GAD2: variants seen among roughly 807,000 people sequenced by gnomAD.
GAD2 encodes the protein 65 kDa glutamic acid decarboxylase.
In GAD2, 22 loss-of-function variants were observed where a neutral mutation model predicts 80.1. The ratio of observed to expected loss-of-function variants is 0.27; its 90% confidence interval spans 0.20 to 0.39. GAD2 has a LOEUF of 0.39. GAD2 is among the 10% of genes least tolerant of loss of function. The pLI is 1.00. For missense variants in GAD2, 624 were observed against 738.4 expected (o/e 0.85, Z 1.80); for synonymous variants, 274 against 256.9 (o/e 1.07, Z -0.64).
At chr10:26,278,551 G>A (rs978742015) in intron 11 of GAD2, among the ~76,000 whole-genome samples, 2 of 152,148 alleles carry the variant, frequency 1.3e-5, no homozygotes, top group African/African-American at 4.8e-5. Flanking sequence ...GCTCCTGAGG[G>A]CTTCCCCCTT....
intron 11 of GAD2, among the ~76,000 whole-genome samples, chr10:26,280,294 C>T (rs111570638): frequency 5.3e-5 from 8 of 152,176 alleles, no homozygotes; most frequent in Non-Finnish European, 8.8e-5. Context: ...TGGTTGAGGA[C>T]GCACGCCCGT....
At chr10:26,263,849 G>A (rs1248475533) in intron 8 of GAD2, among the ~76,000 whole-genome samples, 4 of 152,130 alleles carry the variant, frequency 2.6e-5, no homozygotes, top group South Asian at 2.1e-4. Context: ...TCACTGGACC[G>A]CTCAATCCAG....
At chr10:26,298,163 C>T (rs1362336065) in intron 15 of GAD2, among the ~76,000 whole-genome samples, 5 of 152,116 alleles carry the variant, frequency 3.3e-5, no homozygotes, top group Admixed American at 1.3e-4. Context: ...GGTCTCATAG[C>T]GCCTATTGTT....
intron 15 of GAD2, among the ~76,000 whole-genome samples, chr10:26,297,805 A>C (rs1329345857): frequency 6.6e-6 from 1 of 152,194 alleles, no homozygotes. Context: ...TTTATGCCTC[A>C]CAGGGCCTGT....
intron 8 of GAD2, among the ~76,000 whole-genome samples, chr10:26,263,053 T>A (rs950523028): frequency 6.6e-6 from 1 of 152,054 alleles, no homozygotes; most frequent in African/African-American, 2.4e-5. Context: ...ATGATTGGAG[T>A]CTCAGTTGCA....
At chr10:26,259,279 A>G (rs1409896807) in intron 8 of GAD2, among the ~76,000 whole-genome samples, 1 of 152,234 alleles carries the variant, frequency 6.6e-6, no homozygotes, top group African/African-American at 2.4e-5. Context: ...GAACCATCAT[A>G]CTTTTTCCTC....
intron 7 of GAD2, among the ~76,000 whole-genome samples, chr10:26,238,831 G>A (rs79036489): frequency 0.044 from 6,687 of 152,260 alleles, 458 homozygotes; most frequent in African/African-American, 0.15. Context: ...GGACAGAGGC[G>A]ACCAGTATTT....
chr10:26,268,404 C>T (rs1359854804), intron 8 of GAD2, among the ~76,000 whole-genome samples: 1 of 149,012 alleles, frequency 6.7e-6, no homozygotes, highest in African/African-American at 2.5e-5. Flanking sequence ...GGAGGCGGAG[C>T]TTGCAGTGAG....
At chr10:26,292,852 T>C (rs1421973889) in intron 14 of GAD2, 50 bp from the exon 15 acceptor site, 3 of 1,466,118 alleles carry the variant, frequency 2.0e-6, no homozygotes, top group Non-Finnish European at 2.9e-6. Context: ...CTTGGAATTT[T>C]CAAAATTGCC....
intron 11 of GAD2, among the ~76,000 whole-genome samples, chr10:26,274,633 G>A (rs1299808981): frequency 6.6e-6 from 1 of 152,176 alleles, no homozygotes; most frequent in African/African-American, 2.4e-5. Flanking sequence ...CCAGGACAAG[G>A]AGAGACGCTG....
At chr10:26,263,534 C>G (rs1351807263) in intron 8 of GAD2, among the ~76,000 whole-genome samples, 1 of 152,128 alleles carries the variant, frequency 6.6e-6, no homozygotes, top group Non-Finnish European at 1.5e-5. Context: ...TTTTACTGCT[C>G]CTGTGCAATT....
At position 26,224,050 on chromosome 10, in the gene GAD2, G is replaced by A. The variant is rs1844488635; in HGVS notation, c.611+73G>A. 11 of 1,084,574 alleles carry A rather than the reference G, an allele frequency of 1.0e-5. No individual in the cohort carries two copies. In the South Asian group the frequency reaches 1.3e-4, roughly 13 times the overall value. 67.2% of individuals were successfully genotyped at this position (1,084,574 alleles called of 1,614,324 possible). A position where few individuals can be genotyped will look rare whatever the true frequency, so the allele number is the denominator to read the frequency against. On this transcript the variant is annotated intron_variant, in intron 5 of 15. Coordinates refer to ENST00000376261, the MANE Select transcript of GAD2 (RefSeq NM_001134366.2). ...ACATTCCATAGTCTTTACATCTTAT[G>A]TGAAAATCTGTTTTTTATTAAGTAG...
chr10:26,293,172 C>CTTTTT lies in GAD2; in HGVS notation c.1584+200_1584+204dup, dbSNP rs987030977. ...CCTGATATATGCAGACATTTTTCTT[C>CTTTTT]TTTTTTTTTTTTTTTTTTTTTTTGA... On this transcript the variant is annotated intron_variant, in intron 15 of 15. Coordinates refer to ENST00000376261, the MANE Select transcript of GAD2 (RefSeq NM_001134366.2). Among the ~76,000 whole-genome samples, 247 of 96,404 alleles carry CTTTTT rather than the reference C, an allele frequency of 2.6e-3. 6 individuals carry two copies. The highest frequency in any genetic ancestry group is 6.8e-3 in the African/African-American group (161 of 23,828). 63.2% of individuals were successfully genotyped at this position (96,404 alleles called of 152,430 possible).
At chr10:26,253,822 A>C (rs995360303) in intron 8 of GAD2, among the ~76,000 whole-genome samples, 4 of 152,132 alleles carry the variant, frequency 2.6e-5, no homozygotes, top group African/African-American at 7.2e-5. Flanking sequence ...CCAGATAAAG[A>C]GAAGAGGCAA....
At chr10:26,236,851 A>C (rs116805285) in intron 7 of GAD2, among the ~76,000 whole-genome samples, 1 of 152,090 alleles carries the variant, frequency 6.6e-6, no homozygotes, top group African/African-American at 2.4e-5. Context: ...TTCTCACCTC[A>C]GGGCCCTCAT....
chr10:26,233,788 T>C (rs1844634976), intron 7 of GAD2, among the ~76,000 whole-genome samples: 1 of 152,210 alleles, frequency 6.6e-6, no homozygotes, highest in African/African-American at 2.4e-5. Flanking sequence ...GCATGGAGGC[T>C]TCTTTCCTCA....
intron 7 of GAD2, among the ~76,000 whole-genome samples, chr10:26,240,503 G>A (rs112187758): frequency 3.3e-4 from 50 of 152,120 alleles, no homozygotes; most frequent in Admixed American, 1.9e-3. Flanking sequence ...AGGCTGAGGT[G>A]GGCAAATCAC....
chr10:26,219,189 T>A lies in GAD2; in HGVS notation c.433T>A (p.Tyr145Asn), dbSNP rs1434166489. The A allele has an allele frequency of 6.2e-7, 1 of 1,613,652 alleles. No individual in the cohort carries two copies. Among genetic ancestry groups the A allele is most frequent in the African/African-American group, 1.3e-5 (1 of 74,936 alleles). ...TTATCCTAATGAGCTTCTCCAAGAA[T>A]ATAATTGGGAATTGGCAGACCAACC... ...FHYPNELLQE[Y>N]NWELADQPQN... is the part of the protein sequence containing the mutation. The change falls in exon 4 of 16, where the codon TAT becomes AAT. Residue 145 changes from tyrosine to asparagine, a missense_variant. By Grantham distance (143) the Tyr-to-Asn change is moderately radical (BLOSUM62 -2). Coordinates refer to ENST00000376261, the MANE Select transcript of GAD2 (RefSeq NM_001134366.2).
intron 8 of GAD2, among the ~76,000 whole-genome samples, chr10:26,247,352 C>A (rs1008440124): frequency 6.6e-6 from 1 of 151,892 alleles, no homozygotes; most frequent in African/African-American, 2.4e-5. Context: ...GTCTTTATGA[C>A]CTGTATCTTG....
Sources: gnomAD v4.1 joint callset for allele counts (sites outside exome capture counted in the v4.1 genomes callset) on GRCh38, gnomAD v4.1.1 for gene constraint, MANE v1.5 for transcripts, NCBI Gene and HGNC (gene_info 2026-07-23, HGNC 2026-07-21) for gene names.